Variants in PRSS27 observed in about 807,000 individuals in gnomAD.
PRSS27 encodes the protein channel-activating protease 2.
Under a neutral mutation model 32.0 loss-of-function variants are expected in PRSS27, and 25 were observed. That is an observed-to-expected ratio of 0.78 (90% CI 0.57 to 1.09). The LOEUF is 1.09. Among genes scored for constraint, PRSS27 ranks in the 50% least tolerant of loss-of-function variants. The pLI, the probability that PRSS27 is intolerant of heterozygous loss-of-function variation, is 0.00. For synonymous variants in PRSS27, 178 were observed against 172.2 expected (o/e 1.03, Z -0.26); for missense variants, 401 against 394.9 (o/e 1.02, Z -0.13).
chr16:2,712,570 G>T lies in PRSS27; in HGVS notation c.*50C>A. On this transcript the variant is annotated 3_prime_UTR_variant, in exon 6 of 6. Coordinates refer to ENST00000302641, the MANE Select transcript of PRSS27 (RefSeq NM_031948.5). The surrounding 1 kb of genome is among the most constrained non-coding windows in gnomAD (Gnocchi z 4.6). ...GAGGACCAGCAGGATGGTGTGGGCG[G>T]GCAGGCTGGGTGCAGAGCTCTGCTC... 1 of 1,497,194 alleles carries T rather than the reference G, an allele frequency of 6.7e-7. No homozygotes were observed. The highest frequency in any genetic ancestry group is 9.0e-7 in the Non-Finnish European group (1 of 1,106,150). 92.7% of individuals were successfully genotyped at this position (1,497,194 alleles called of 1,614,324 possible).
At chr16:2,716,462 G>A in intron 2 of PRSS27, 38 bp downstream of exon 2, 1 of 1,592,304 alleles carries the variant, frequency 6.3e-7, no homozygotes. Context: ...AGTCCAGCCG[G>A]CTCCTGTCCC....
chr16:2,716,936 C>G (rs149524014), intron 1 of PRSS27: 1 of 228,414 alleles, frequency 4.4e-6, no homozygotes, highest in Non-Finnish European at 8.9e-6. Flanking sequence ...CCTTTCCTCC[C>G]GGAACAGCTC....
At chr16:2,713,164 T>G (rs1484125751) in intron 5 of PRSS27, 2 of 468,012 alleles carry the variant, frequency 4.3e-6, no homozygotes. Flanking sequence ...ACTGGCGCGA[T>G]CTCGGCTCAC....
chr16:2,713,191 C>T (rs1373286072), intron 5 of PRSS27: 13 of 455,436 alleles, frequency 2.9e-5, no homozygotes, highest in Non-Finnish European at 4.5e-5. Context: ...CTCCGCCTCC[C>T]AGGTTCGCGC....
intron 2 of PRSS27, 187 bp from the exon 3 acceptor site, chr16:2,716,067 C>T: frequency 1.9e-6 from 1 of 522,838 alleles, no homozygotes; most frequent in Non-Finnish European, 3.3e-6. Flanking sequence ...CAGCTGCCCC[C>T]CAAAGTCTCA....
Position 2,715,723 on chromosome 16 carries a change from G to A in PRSS27, c.231C>T (p.Phe77=). The change falls in exon 3 of 6, where the codon TTC becomes TTT. Residue 77 remains phenylalanine (F), a synonymous_variant. Transcript: ENST00000302641. ...EQWVLTAAHC[F]RNTSETSLYQ... ...GCAGGGGCGGGCGGACTCACTTGCG[G>A]AAGCAGTGCGCAGCCGTCAGGACCC... is the stretch of plus-strand genomic sequence containing the variant. The A allele has an allele frequency of 2.6e-6, 4 of 1,540,976 alleles. No individual in the cohort carries two copies. Among genetic ancestry groups the A allele is most frequent in the Non-Finnish European group, 2.6e-6 (3 of 1,147,764 alleles).
In PRSS27 at chr16:2,720,136, G is replaced by A; in HGVS notation, c.25C>T (p.Leu9Phe). 6.2e-7 allele frequency: 1 copy of A among 1,603,192 alleles called. No homozygotes were observed. Among genetic ancestry groups the A allele is most frequent in the Non-Finnish European group, 8.5e-7 (1 of 1,175,480 alleles). Reference sequence around the variant, plus strand: ...TCACCAAAACACAGCAGCAGCAGGAGCGGCACCGCCGCCGGCCGCCTCATG... The same window carrying A: ...TCACCAAAACACAGCAGCAGCAGGAACGGCACCGCCGCCGGCCGCCTCATG... MRRPAAVPLLLLLCFGSQR... is the reference protein window; with the variant it reads MRRPAAVPFLLLLCFGSQR... The change falls in exon 1 of 6, where the codon CTC (leucine) becomes TTC (phenylalanine). Residue 9 changes from leucine to phenylalanine, a missense_variant. By Grantham distance (22) the Leu-to-Phe change is conservative. Coordinates refer to ENST00000302641, the MANE Select transcript of PRSS27 (RefSeq NM_031948.5).
intron 4 of PRSS27, 91 bp from the exon 5 acceptor site, chr16:2,713,789 T>C: frequency 7.1e-7 from 1 of 1,408,674 alleles, no homozygotes. Context: ...TGCCTGTCGT[T>C]TCCTCATGTT....
intron 1 of PRSS27, 84 bp from the exon 2 acceptor site, chr16:2,716,610 C>T (rs771107166): frequency 8.1e-5 from 108 of 1,337,686 alleles, no homozygotes; most frequent in Non-Finnish European, 1.1e-4. Context: ...TCCACTGACC[C>T]TCCCCAGCTC....
chr16:2,714,826 A>C lies in PRSS27; in HGVS notation c.237-490T>G. ...CAACTGTAGCTCACTGCAGCCTCCAACTCCTGGGCTCAAGCCATCCTCTCG... is the reference window on the plus strand; with the variant it reads ...CAACTGTAGCTCACTGCAGCCTCCACCTCCTGGGCTCAAGCCATCCTCTCG... On this transcript the variant is annotated intron_variant, in intron 3 of 5. Transcript: ENST00000302641. The surrounding 1 kb of genome is among the most constrained non-coding windows in gnomAD (Gnocchi z 4.7). 6.1e-6 allele frequency: 1 copy of C among 164,698 alleles called. No homozygotes were observed. The highest frequency in any genetic ancestry group is 1.3e-5 in the Non-Finnish European group (1 of 76,400). 10.2% of individuals were successfully genotyped at this position (164,698 alleles called of 1,614,324 possible).
rs572060696 is a variant in PRSS27, at chr16:2,716,482, A to T, written c.73+18T>A. ...AGCCGGCTCCTGTCCCTCCCACCCC[A>T]GGGCCCTGGGTGCTTACCTGTTGCT... On this transcript the variant is annotated intron_variant, in intron 2 of 5. Coordinates refer to ENST00000302641, the MANE Select transcript of PRSS27 (RefSeq NM_031948.5). The T allele has an allele frequency of 9.4e-6, 15 of 1,602,724 alleles. No homozygotes were observed. The East Asian group carries it at 3.1e-4, about 34-fold the overall frequency.
chr16:2,715,454 G>A (rs1310815759), intron 3 of PRSS27: 4 of 458,986 alleles, frequency 8.7e-6, no homozygotes, highest in Non-Finnish European at 1.2e-5. Context: ...GGGACCCACA[G>A]GGAGTGGGTG....
In PRSS27 at chr16:2,714,769, C is replaced by CAT; in HGVS notation, c.237-435_237-434dup. On this transcript the variant is annotated intron_variant, in intron 3 of 5. Transcript: ENST00000302641. This position sits in a 1 kb window ranked among gnomAD's most constrained non-coding sequence, Gnocchi z 4.7. ...TTTTTTCCCCTAGAGACAGAGTTCT[C>CAT]ATTCTGTCACCCAGGCTGGAGTGCA... 1.3e-5 allele frequency: 3 copies of CAT among 225,174 alleles called. No individual in the cohort carries two copies. In the South Asian group the frequency reaches 1.6e-4, roughly 12 times the overall value. The allele number at this position is 225,174 out of a possible 1,614,324, so 13.9% of individuals were successfully genotyped here.
chr16:2,715,806 C>T lies in PRSS27; in HGVS notation c.148G>A (p.Val50Ile). 1 of 1,605,338 alleles carries T rather than the reference C, an allele frequency of 6.2e-7. No individual in the cohort carries two copies. Among genetic ancestry groups the T allele is most frequent in the Non-Finnish European group, 8.5e-7 (1 of 1,177,964 alleles). The part of the protein sequence containing the change: ...DTQEGEWPWQ[V>I]SIQRNGSHFC... ...TGGCTTCCGTTGCGCTGGATGCTGACTTGCCAGGGCCACTCGCCCTCCTGC... is the reference window on the plus strand; with the variant it reads ...TGGCTTCCGTTGCGCTGGATGCTGATTTGCCAGGGCCACTCGCCCTCCTGC... Residue 50 changes from valine to isoleucine, a missense_variant, in exon 3 of 6, where the codon GTC (valine) becomes ATC (isoleucine). Coordinates refer to ENST00000302641, the MANE Select transcript of PRSS27 (RefSeq NM_031948.5).
chr16:2,715,675 CGCTG>C, intron 3 of PRSS27, 39 bp downstream of exon 3: 1 of 1,503,568 alleles, frequency 6.7e-7, no homozygotes, highest in Non-Finnish European at 8.9e-7. Flanking sequence ...GCGCGCGGGG[CGCTG>C]TCAGCGCTAT....
intron 3 of PRSS27, 32 bp downstream of exon 3, chr16:2,715,686 C>G: frequency 6.5e-7 from 1 of 1,538,254 alleles, no homozygotes; most frequent in Non-Finnish European, 8.7e-7. Context: ...GCTGTCAGCG[C>G]TATGGGCGGG....
At chr16:2,719,615 C>A (rs574973803) in intron 1 of PRSS27, among the ~76,000 whole-genome samples, 1 of 152,266 alleles carries the variant, frequency 6.6e-6, no homozygotes, top group East Asian at 1.9e-4. Context: ...CCACCTACAC[C>A]CCCTGCCCCC....
chr16:2,719,484 G>A (rs776089709), intron 1 of PRSS27, among the ~76,000 whole-genome samples: 30 of 152,262 alleles, frequency 2.0e-4, no homozygotes, highest in African/African-American at 5.3e-4. Context: ...GTCCCGGCCC[G>A]CAGGGAGGGG....
chr16:2,719,750 G>A (rs1019569953), intron 1 of PRSS27, among the ~76,000 whole-genome samples: 1 of 152,200 alleles, frequency 6.6e-6, no homozygotes, highest in Non-Finnish European at 1.5e-5. Flanking sequence ...TTCACATCCT[G>A]CACGTAGGAG....
Sources: gnomAD v4.1 joint callset for allele counts (sites outside exome capture counted in the v4.1 genomes callset) on GRCh38, gnomAD v4.1.1 for gene constraint, Gnocchi (gnomAD v3.1) non-coding constraint, MANE v1.5 for transcripts, NCBI Gene and HGNC (gene_info 2026-07-23, HGNC 2026-07-21) for gene names.